Variants in PLD1 observed in about 807,000 individuals in gnomAD.
PLD1 encodes phospholipase D1, also known as choline phosphatase 1.
Under a neutral mutation model 137.1 loss-of-function variants are expected in PLD1, and 112 were observed. The observed-to-expected ratio is 0.82, with a 90% confidence interval of 0.70 to 0.96. The LOEUF (loss-of-function observed/expected upper bound fraction) is 0.96. Among genes scored for constraint, PLD1 ranks in the 40% least tolerant of loss-of-function variants. The probability of loss-of-function intolerance (pLI) is 0.00; values close to 1 mark genes in which losing one functional copy is unlikely to be tolerated. For missense variants in PLD1, 1,321 were observed against 1,342.0 expected (o/e 0.98, Z 0.24); for synonymous variants, 431 against 454.7 (o/e 0.95, Z 0.66).
chr3:171,677,463 G>C, intron 17 of PLD1, 103 bp downstream of exon 17: 1 of 1,209,534 alleles, frequency 8.3e-7, no homozygotes, highest in Non-Finnish European at 1.1e-6. Context: ...AAAATCAACG[G>C]AAGCAAAACA....
chr3:171,745,791 G>A (rs944022315), intron 1 of PLD1, among the ~76,000 whole-genome samples: 108 of 152,288 alleles, frequency 7.1e-4, no homozygotes, highest in African/African-American at 2.2e-3. Context: ...CGCTGGCTGC[G>A]CTTGAGGAGC....
chr3:171,674,868 A>C (rs968590077), intron 18 of PLD1, among the ~76,000 whole-genome samples: 1 of 150,940 alleles, frequency 6.6e-6, no homozygotes, highest in African/African-American at 2.4e-5. Context: ...AATCCCAGCT[A>C]CTCGGGAGGC....
At chr3:171,680,121 C>T (rs779963002) in intron 16 of PLD1, among the ~76,000 whole-genome samples, 4 of 151,964 alleles carry the variant, frequency 2.6e-5, no homozygotes, top group African/African-American at 4.8e-5. Flanking sequence ...TCTCATCTCT[C>T]GGCTTCCAGG....
chr3:171,708,823 T>C lies in PLD1; in HGVS notation c.1077A>G (p.Lys359=). The C allele has an allele frequency of 6.3e-7, 1 of 1,584,642 alleles. No homozygotes were observed. Among genetic ancestry groups the C allele is most frequent in the Non-Finnish European group, 8.7e-7 (1 of 1,153,076 alleles). The part of the protein sequence containing the change: ...NALAKWYVNA[K]GYFEDVANAM... ...CATTTGCCACATCTTCAAAATATCCTTTGGCATTAACATACCTGAAAGACA... is the reference window on the plus strand; with the variant it reads ...CATTTGCCACATCTTCAAAATATCCCTTGGCATTAACATACCTGAAAGACA... Residue 359 remains lysine, a synonymous_variant, in exon 11 of 27, where the codon AAA becomes AAG. Coordinates refer to ENST00000351298, the MANE Select transcript of PLD1 (RefSeq NM_002662.5).
intron 16 of PLD1, among the ~76,000 whole-genome samples, chr3:171,685,211 C>T (rs994606362): frequency 1.3e-5 from 2 of 152,072 alleles, no homozygotes; most frequent in Non-Finnish European, 2.9e-5. Context: ...ATGTGGTCCA[C>T]GGAAGCCAAA....
intron 1 of PLD1, among the ~76,000 whole-genome samples, chr3:171,760,021 C>A (rs1721286785): frequency 6.6e-6 from 1 of 152,118 alleles, no homozygotes; most frequent in Admixed American, 6.6e-5. Context: ...AGTTATCGAA[C>A]CCTAATAACT....
intron 19 of PLD1, among the ~76,000 whole-genome samples, chr3:171,671,298 T>C (rs1712717962): frequency 6.6e-6 from 1 of 152,250 alleles, no homozygotes; most frequent in South Asian, 2.1e-4. Flanking sequence ...AGGAGCTACC[T>C]GAGTCCTTTG....
chr3:171,725,057 T>C (rs539861392), intron 7 of PLD1, among the ~76,000 whole-genome samples: 211 of 152,240 alleles, frequency 1.4e-3, no homozygotes, highest in African/African-American at 4.9e-3. Flanking sequence ...AAGCATCCTG[T>C]CTCCTGGCTC....
chr3:171,615,693 T>A (rs6445011), intron 24 of PLD1, among the ~76,000 whole-genome samples: 11,906 of 152,288 alleles, frequency 0.078, 1,319 homozygotes, highest in African/African-American at 0.25. Flanking sequence ...TTTGAGATTT[T>A]TCTGTACATA....
At chr3:171,723,361 T>A (rs1203467794) in intron 8 of PLD1, among the ~76,000 whole-genome samples, 1 of 152,200 alleles carries the variant, frequency 6.6e-6, no homozygotes, top group Non-Finnish European at 1.5e-5. Context: ...ATTTTCTTTA[T>A]CCATTCATCT....
chr3:171,668,695 G>C (rs1356085251), intron 19 of PLD1, among the ~76,000 whole-genome samples: 1 of 151,874 alleles, frequency 6.6e-6, no homozygotes, highest in Admixed American at 6.6e-5. Context: ...ATATAGGCAG[G>C]AATTCTCAGC....
intron 23 of PLD1, among the ~76,000 whole-genome samples, chr3:171,622,234 C>T (rs1360525755): frequency 6.6e-6 from 1 of 152,002 alleles, no homozygotes; most frequent in Non-Finnish European, 1.5e-5. Flanking sequence ...TATAGTAGAC[C>T]AGTGGTTCTC....
intron 1 of PLD1, among the ~76,000 whole-genome samples, chr3:171,750,097 T>G (rs977582194): frequency 6.6e-6 from 1 of 152,200 alleles, no homozygotes; most frequent in South Asian, 2.1e-4. Flanking sequence ...ATGTGCTCCA[T>G]TGTGAAGAGT....
chr3:171,656,944 C>T (rs567879567), intron 21 of PLD1, among the ~76,000 whole-genome samples: 133 of 152,308 alleles, frequency 8.7e-4, no homozygotes, highest in African/African-American at 3.2e-3. Context: ...GGGAAGGGAA[C>T]TACAGGCCCA....
intron 25 of PLD1, among the ~76,000 whole-genome samples, chr3:171,608,729 G>C (rs1732409025): frequency 6.6e-6 from 1 of 152,064 alleles, no homozygotes. Flanking sequence ...AAAGAGTCAG[G>C]ACCCCGACCT....
At chr3:171,683,524 G>T (rs900880979) in intron 16 of PLD1, among the ~76,000 whole-genome samples, 1 of 122,878 alleles carries the variant, frequency 8.1e-6, no homozygotes, top group Non-Finnish European at 1.7e-5. Flanking sequence ...TCCTTCTGTC[G>T]GAAACACCCT....
Position 171,709,629 on chromosome 3 carries a change from C to T in PLD1, c.992G>A (p.Gly331Asp), listed in dbSNP as rs1349003489. The T allele has an allele frequency of 1.9e-6, 3 of 1,613,808 alleles. No individual in the cohort carries two copies. In the East Asian group the frequency reaches 6.7e-5, roughly 36 times the overall value. ...GAIEEFIQKH[G>D]TNFLKDHRFG... ...TCGATGATCTTTGAGAAAGTTGGTG[C>T]CATGTTTCTGGATGAATTCTTCTAT... The change falls in exon 10 of 27, where the codon GGC (glycine) becomes GAC (aspartate). Residue 331 changes from glycine to aspartate, a missense_variant. Coordinates refer to ENST00000351298, the MANE Select transcript of PLD1 (RefSeq NM_002662.5).
chr3:171,738,891 C>T (rs2108268016), intron 1 of PLD1, among the ~76,000 whole-genome samples: 1 of 152,278 alleles, frequency 6.6e-6, no homozygotes, highest in South Asian at 2.1e-4. Flanking sequence ...ACACTGTCAT[C>T]AGAGTTGGAT....
chr3:171,710,250 AC>A lies in PLD1; in HGVS notation c.912-542del, dbSNP rs1446848062. 4.6e-5 allele frequency among the ~76,000 whole-genome samples: 7 copies of A among 151,992 alleles called. No homozygotes were observed. In the South Asian group the frequency reaches 1.3e-3, roughly 27 times the overall value. On this transcript the variant is annotated intron_variant, in intron 9 of 26. Transcript: ENST00000351298. ...TAATTTTTTTGTATTTTTAGTAGAG[AC>A]GGGGTTTCACCGTGTTAGCCAGGAT...
Sources: gnomAD v4.1 joint callset for allele counts (sites outside exome capture counted in the v4.1 genomes callset) on GRCh38, gnomAD v4.1.1 for gene constraint, MANE v1.5 for transcripts, NCBI Gene and HGNC (gene_info 2026-07-23, HGNC 2026-07-21) for gene names.